The following FLOT2 variants were observed in gnomAD, a reference collection of about 807,000 sequenced individuals.
FLOT2 encodes the protein flotillin 2.
FLOT2 carries 35 observed loss-of-function variants against 54.9 expected under a neutral mutation model. That is an observed-to-expected ratio of 0.64 (90% CI 0.49 to 0.84). The LOEUF (loss-of-function observed/expected upper bound fraction) is 0.84, where lower values mean the gene tolerates loss of function less well. Among genes scored for constraint, FLOT2 ranks in the 40% least tolerant of loss-of-function variants. The pLI is 0.00. For synonymous variants in FLOT2, 207 were observed against 228.9 expected (o/e 0.90, Z 0.86); for missense variants, 464 against 572.1 (o/e 0.81, Z 1.93).
intron 1 of FLOT2, among the ~76,000 whole-genome samples, chr17:28,889,624 G>A (rs1463021940): frequency 6.6e-6 from 1 of 151,428 alleles, no homozygotes; most frequent in African/African-American, 2.4e-5. Flanking sequence ...GAGCCACCTC[G>A]CCAGGCCAGC....
In FLOT2 at chr17:28,897,584, G is replaced by T. The variant is rs1258281234; in HGVS notation, c.-10C>A. On this transcript the variant is annotated 5_prime_UTR_variant, in exon 1 of 11. Transcript: ENST00000394908. The surrounding 1 kb of genome is among the most constrained non-coding windows in gnomAD (Gnocchi z 4.4). ...TGTGGCAATTGCCCATGGCGCCGGC[G>T]GCACGGAGGGCCCTCGGGACCGCAC... The T allele has an allele frequency of 1.3e-6, 2 of 1,591,986 alleles. No homozygotes were observed. Among genetic ancestry groups the T allele is most frequent in the East Asian group, 2.3e-5 (1 of 42,842 alleles).
chr17:28,880,959 C>A, intron 9 of FLOT2, 97 bp from the exon 10 acceptor site: 1 of 1,466,200 alleles, frequency 6.8e-7, no homozygotes, highest in Non-Finnish European at 9.4e-7. Context: ...CACTCCAACC[C>A]CAAAGCAGCC....
At chr17:28,887,944 C>T (rs1219715325) in intron 2 of FLOT2, among the ~76,000 whole-genome samples, 2 of 152,184 alleles carry the variant, frequency 1.3e-5, no homozygotes, top group African/African-American at 4.8e-5. Context: ...CTTCCCATTC[C>T]CCCCGACCCT....
chr17:28,894,908 A>ATTAT (rs141126226), intron 1 of FLOT2, among the ~76,000 whole-genome samples: 5 of 149,906 alleles, frequency 3.3e-5, no homozygotes, highest in Admixed American at 6.7e-5. Context: ...ATATTTGTTT[A>ATTAT]TTATTTATTT....
Position 28,883,587 on chromosome 17 carries a change from A to C in FLOT2, c.223-356T>G, listed in dbSNP as rs2039493269. ...AGGCTGAGGGGCAGAGAGTATGAGA[A>C]GCAGAATGAGCAATAGGGACACAGA... On this transcript the variant is annotated intron_variant, in intron 3 of 10. Coordinates refer to ENST00000394908, the MANE Select transcript of FLOT2 (RefSeq NM_004475.3). The surrounding 1 kb of genome is among the most constrained non-coding windows in gnomAD (Gnocchi z 5.0). Among the ~76,000 whole-genome samples, 1 of 152,122 alleles carries C rather than the reference A, an allele frequency of 6.6e-6. No homozygotes were observed. Among genetic ancestry groups the C allele is most frequent in the Non-Finnish European group, 1.5e-5 (1 of 68,014 alleles).
At position 28,897,391 on chromosome 17, in the gene FLOT2, C is replaced by A. The variant is rs928093914; in HGVS notation, c.49+135G>T. 2.1e-5 allele frequency: 16 copies of A among 765,514 alleles called. No individual in the cohort carries two copies. The highest frequency in any genetic ancestry group is 1.9e-4 in the African/African-American group (10 of 54,006). The allele number at this position is 765,514 out of a possible 1,614,324, so 47.4% of individuals were successfully genotyped here. ...AGCACGAGATCTCTCTTGGAAGGGGCCTCAGGTGCGGCCCGGGGGCCAGCG... is the reference window on the plus strand; with the variant it reads ...AGCACGAGATCTCTCTTGGAAGGGGACTCAGGTGCGGCCCGGGGGCCAGCG... On this transcript the variant is annotated intron_variant, in intron 1 of 10. Transcript: ENST00000394908. This position sits in a 1 kb window ranked among gnomAD's most constrained non-coding sequence, Gnocchi z 4.4.
In FLOT2 at chr17:28,882,526, A is replaced by ATC; in HGVS notation, c.465+45_465+46dup. ...AAGGTGCCCCTCTAACAAAGCCACCATCTCCCAGATGGACGCCAGGAGATA... is the reference window on the plus strand; with the variant it reads ...AAGGTGCCCCTCTAACAAAGCCACCATCTCTCCCAGATGGACGCCAGGAGATA... On this transcript the variant is annotated intron_variant, in intron 5 of 10. Transcript: ENST00000394908. This position sits in a 1 kb window ranked among gnomAD's most constrained non-coding sequence, Gnocchi z 5.6. The ATC allele has an allele frequency of 1.3e-6, 2 of 1,585,574 alleles. No individual in the cohort carries two copies. The highest frequency in any genetic ancestry group is 1.7e-6 in the Non-Finnish European group (2 of 1,154,128).
chr17:28,889,861 A>T (rs2039615082), intron 1 of FLOT2, among the ~76,000 whole-genome samples: 1 of 151,834 alleles, frequency 6.6e-6, no homozygotes, highest in Non-Finnish European at 1.5e-5. Context: ...GCTGGTCTCG[A>T]ACTCTTGACC....
At chr17:28,886,287 T>C (rs977566975) in intron 2 of FLOT2, among the ~76,000 whole-genome samples, 1 of 152,226 alleles carries the variant, frequency 6.6e-6, no homozygotes, top group Admixed American at 6.5e-5. Context: ...GCCCGCCACC[T>C]CACTTTCCCA....
chr17:28,893,411 CTTTT>C (rs11300363), intron 1 of FLOT2: 6 of 136,176 alleles, frequency 4.4e-5, no homozygotes, highest in African/African-American at 8.0e-5. Flanking sequence ...CCTCCACCTT[CTTTT>C]TTTTTTTTTT....
intron 1 of FLOT2, among the ~76,000 whole-genome samples, chr17:28,889,920 G>A (rs768629071): frequency 7.2e-5 from 11 of 152,174 alleles, no homozygotes; most frequent in Non-Finnish European, 1.6e-4. Context: ...TTACAGGCAT[G>A]AGCCACCACG....
At chr17:28,894,361 C>T (rs1367145028) in intron 1 of FLOT2, among the ~76,000 whole-genome samples, 1 of 151,998 alleles carries the variant, frequency 6.6e-6, no homozygotes, top group African/African-American at 2.4e-5. Context: ...TGGTGGCTAA[C>T]ACCTGTAATC....
chr17:28,879,954 C>T lies in FLOT2; in HGVS notation c.*607G>A, dbSNP rs570832347. The T allele has an allele frequency of 7.8e-5, 77 of 987,232 alleles. No homozygotes were observed. In the South Asian group the frequency reaches 3.0e-3, roughly 38 times the overall value. 61.2% of individuals were successfully genotyped at this position (987,232 alleles called of 1,614,324 possible). A position where few individuals can be genotyped will look rare whatever the true frequency, so the allele number is the denominator to read the frequency against. On this transcript the variant is annotated 3_prime_UTR_variant, in exon 11 of 11. Coordinates refer to ENST00000394908, the MANE Select transcript of FLOT2 (RefSeq NM_004475.3). ...TCAGGGAGAAAGGACAGGGTATGAG[C>T]GCTGGCTGGGGCCTTGGGTGGATGA...
Position 28,882,867 on chromosome 17 carries a change from G to T in FLOT2, c.347-176C>A. On this transcript the variant is annotated intron_variant, in intron 4 of 10. Transcript: ENST00000394908. The surrounding 1 kb of genome is among the most constrained non-coding windows in gnomAD (Gnocchi z 5.6). ...AGCTTCCTGCTGCACAGTCCAGGCT[G>T]AATGAGGAAAAGTGTCCCAAGCAGC... The T allele has an allele frequency of 1.6e-6, 1 of 640,592 alleles. No homozygotes were observed. The highest frequency in any genetic ancestry group is 2.7e-6 in the Non-Finnish European group (1 of 368,774). The allele number at this position is 640,592 out of a possible 1,614,324, so 39.7% of individuals were successfully genotyped here.
chr17:28,896,957 C>T (rs1410675498), intron 1 of FLOT2, among the ~76,000 whole-genome samples: 1 of 152,248 alleles, frequency 6.6e-6, no homozygotes, highest in Admixed American at 6.5e-5. Flanking sequence ...AACTGCACTG[C>T]CCAGAACCGG....
In FLOT2 at chr17:28,879,908, C is replaced by G. The variant is rs2039418939; in HGVS notation, c.*653G>C. 1 of 986,062 alleles carries G rather than the reference C, an allele frequency of 1.0e-6. No homozygotes were observed. 61.1% of individuals were successfully genotyped at this position (986,062 alleles called of 1,614,324 possible). A position where few individuals can be genotyped will look rare whatever the true frequency, so the allele number is the denominator to read the frequency against. Reference sequence around the variant, plus strand: ...GAGGAAGCTGCTGTAGACAGGAGGCCTTGCCTCTGTGCCCTTGGGGTCAGG... The same window carrying G: ...GAGGAAGCTGCTGTAGACAGGAGGCGTTGCCTCTGTGCCCTTGGGGTCAGG... On this transcript the variant is annotated 3_prime_UTR_variant, in exon 11 of 11. Transcript: ENST00000394908.
chr17:28,883,324 C>T lies in FLOT2; in HGVS notation c.223-93G>A, dbSNP rs1406958681. 11 of 1,512,438 alleles carry T rather than the reference C, an allele frequency of 7.3e-6. No homozygotes were observed. Among genetic ancestry groups the T allele is most frequent in the Non-Finnish European group, 9.9e-6 (11 of 1,106,160 alleles). The allele number at this position is 1,512,438 out of a possible 1,614,324, so 93.7% of individuals were successfully genotyped here. Reference sequence around the variant, plus strand: ...GTAGGCAGGATGGTGGCTGTGCCTCCTCCCTTCCTTTTTTCAGACCTGGAG... The same window carrying T: ...GTAGGCAGGATGGTGGCTGTGCCTCTTCCCTTCCTTTTTTCAGACCTGGAG... On this transcript the variant is annotated intron_variant, in intron 3 of 10. Coordinates refer to ENST00000394908, the MANE Select transcript of FLOT2 (RefSeq NM_004475.3). This position sits in a 1 kb window ranked among gnomAD's most constrained non-coding sequence, Gnocchi z 5.0.
chr17:28,889,956 A>C (rs1769473283), intron 1 of FLOT2, among the ~76,000 whole-genome samples: 1 of 152,062 alleles, frequency 6.6e-6, no homozygotes, highest in Non-Finnish European at 1.5e-5. Flanking sequence ...ATTTTTAATT[A>C]ATTAATTCAA....
chr17:28,881,512 C>A (rs2039447532), intron 8 of FLOT2, 137 bp from the exon 9 acceptor site: 21 of 924,396 alleles, frequency 2.3e-5, no homozygotes, highest in Admixed American at 2.0e-4. Context: ...AGTGGGGTGG[C>A]CTGACCTTCC....
Sources: allele counts gnomAD v4.1 joint callset (sites outside exome capture counted in the v4.1 genomes callset), GRCh38; gene constraint gnomAD v4.1.1; non-coding constraint Gnocchi (gnomAD v3.1); transcripts MANE v1.5; gene names NCBI Gene and HGNC (gene_info 2026-07-23, HGNC 2026-07-21).